TRIM71: variants seen among roughly 807,000 people sequenced by gnomAD.
TRIM71 encodes tripartite motif containing 71.
TRIM71 carries 9 observed loss-of-function variants against 61.2 expected under a neutral mutation model. The ratio of observed to expected loss-of-function variants is 0.15; its 90% CI spans 0.09 to 0.26. The LOEUF is 0.26. TRIM71 is among the 10% of genes least tolerant of loss of function. The probability of loss-of-function intolerance (pLI) is 1.00; values close to 1 mark genes in which losing one functional copy is unlikely to be tolerated. For missense variants in TRIM71, 998 were observed against 1,238.7 expected (o/e 0.81, Z 2.92); for synonymous variants, 645 against 553.2 (o/e 1.17, Z -2.33).
In TRIM71 at chr3:32,828,372, A is replaced by G. The variant is rs973488411; in HGVS notation, c.852+9440A>G. On this transcript the variant is annotated intron_variant, in intron 1 of 3. Transcript: ENST00000383763. ...GGCTTTGCTTGAGCACTCTGATTCTAGGTTAGATTCTGCTTTGCCTCAGTT... is the reference window on the plus strand; with the variant it reads ...GGCTTTGCTTGAGCACTCTGATTCTGGGTTAGATTCTGCTTTGCCTCAGTT... 5.3e-5 allele frequency among the ~76,000 whole-genome samples: 8 copies of G among 152,242 alleles called. No homozygotes were observed. In the South Asian group the frequency reaches 1.0e-3, roughly 20 times the overall value.
chr3:32,866,842 T>C (rs1264643467), intron 1 of TRIM71, among the ~76,000 whole-genome samples: 2 of 152,052 alleles, frequency 1.3e-5, no homozygotes, highest in Admixed American at 1.3e-4. Context: ...AGAGGAGTAA[T>C]GGCAACTTTT....
intron 1 of TRIM71, among the ~76,000 whole-genome samples, chr3:32,836,106 C>T (rs1011432029): frequency 1.3e-5 from 2 of 152,106 alleles, no homozygotes; most frequent in Middle Eastern, 3.2e-3. Flanking sequence ...GGAGATCTTC[C>T]CCTCCCCCGA....
intron 1 of TRIM71, among the ~76,000 whole-genome samples, chr3:32,838,228 A>G (rs774677574): frequency 1.4e-4 from 21 of 151,956 alleles, no homozygotes; most frequent in Non-Finnish European, 2.4e-4. Context: ...TATTATTATT[A>G]TTATATTTTT....
At chr3:32,880,038 T>G (rs962732332) in intron 2 of TRIM71, among the ~76,000 whole-genome samples, 4 of 152,062 alleles carry the variant, frequency 2.6e-5, no homozygotes, top group African/African-American at 9.7e-5. Context: ...GGCTATAGTT[T>G]GTGATTATAT....
chr3:32,831,833 C>T (rs1322277695), intron 1 of TRIM71, among the ~76,000 whole-genome samples: 5 of 152,076 alleles, frequency 3.3e-5, no homozygotes, highest in South Asian at 2.1e-4. Flanking sequence ...CCATTGCACC[C>T]GGCTGTTATC....
At chr3:32,889,149 G>A (rs991092078) in intron 3 of TRIM71, among the ~76,000 whole-genome samples, 12 of 152,160 alleles carry the variant, frequency 7.9e-5, no homozygotes, top group Non-Finnish European at 1.3e-4. Context: ...ACAACTCTGT[G>A]TGAGCAAGGA....
At chr3:32,823,759 A>G (rs1324169470) in intron 1 of TRIM71, among the ~76,000 whole-genome samples, 1 of 146,198 alleles carries the variant, frequency 6.8e-6, no homozygotes, top group African/African-American at 2.6e-5. Context: ...ACGGAGCGAG[A>G]CTATCTAAAA....
chr3:32,839,506 A>G (rs80112272), intron 1 of TRIM71, among the ~76,000 whole-genome samples: 4,184 of 152,146 alleles, frequency 0.027, 126 homozygotes, highest in East Asian at 0.14. Context: ...CTGGGATTAC[A>G]GCGTGAGCCA....
chr3:32,849,483 C>T (rs2125681540), intron 1 of TRIM71, among the ~76,000 whole-genome samples: 1 of 152,258 alleles, frequency 6.6e-6, no homozygotes, highest in Non-Finnish European at 1.5e-5. Context: ...CTCAGCTTCC[C>T]CAGTAGCTGG....
rs962432602 is a variant in TRIM71, at chr3:32,892,021, T to C, written c.*210T>C. On this transcript the variant is annotated 3_prime_UTR_variant, in exon 4 of 4. Transcript: ENST00000383763. ...ATTTTTTTACAGATGAATGTACTTA[T>C]CTTTTCTGCAGGGATTGAGCCTGTG... The C allele has an allele frequency of 6.2e-6, 4 of 649,448 alleles. No homozygotes were observed. The highest frequency in any genetic ancestry group is 6.7e-5 in the East Asian group (2 of 30,048). The allele number at this position is 649,448 out of a possible 1,614,324, so 40.2% of individuals were successfully genotyped here. A position where few individuals can be genotyped will look rare whatever the true frequency, so the allele number is the denominator to read the frequency against.
At chr3:32,845,557 T>C (rs1012079570) in intron 1 of TRIM71, among the ~76,000 whole-genome samples, 1 of 152,172 alleles carries the variant, frequency 6.6e-6, no homozygotes, top group South Asian at 2.1e-4. Context: ...ACAAACCCTT[T>C]CTTTAACTCA....
intron 1 of TRIM71, among the ~76,000 whole-genome samples, chr3:32,837,541 C>A (rs193232894): frequency 1.3e-5 from 2 of 152,142 alleles, no homozygotes; most frequent in Non-Finnish European, 2.9e-5. Context: ...CTAACGTCGC[C>A]GGGCGTGGTG....
At chr3:32,820,751 C>T (rs112576219) in intron 1 of TRIM71, among the ~76,000 whole-genome samples, 3 of 152,294 alleles carry the variant, frequency 2.0e-5, no homozygotes, top group African/African-American at 7.2e-5. Context: ...TTAGAAAACC[C>T]TTCAAACTGC....
chr3:32,869,889 G>A (rs563872390), intron 1 of TRIM71, among the ~76,000 whole-genome samples: 3 of 152,336 alleles, frequency 2.0e-5, no homozygotes, highest in Admixed American at 2.0e-4. Context: ...CCGAGGGGGC[G>A]TGTCTGTGCA....
In TRIM71 at chr3:32,890,812, T is replaced by C. The variant is rs1299647310; in HGVS notation, c.1608T>C (p.Phe536=). 10 of 1,614,166 alleles carry C rather than the reference T, an allele frequency of 6.2e-6. No homozygotes were observed. Among genetic ancestry groups the C allele is most frequent in the Non-Finnish European group, 8.5e-6 (10 of 1,180,034 alleles). Residue 536 remains phenylalanine, a synonymous_variant, in exon 4 of 4, where the codon TTT becomes TTC. Coordinates refer to ENST00000383763, the MANE Select transcript of TRIM71 (RefSeq NM_001039111.3). This position sits in a 1 kb window ranked among gnomAD's most constrained non-coding sequence, Gnocchi z 6.2. ...AVVLGPDGNL[F]GAEVSDQQNG... ...TCCTGGGCCCTGATGGCAACCTGTT[T>C]GGTGCAGAGGTGAGTGATCAGCAGA...
intron 1 of TRIM71, among the ~76,000 whole-genome samples, chr3:32,846,014 C>T (rs1341467195): frequency 2.0e-5 from 3 of 150,266 alleles, no homozygotes; most frequent in Non-Finnish European, 2.9e-5. Flanking sequence ...GACTATGGCT[C>T]ACTAGCTTGT....
intron 1 of TRIM71, among the ~76,000 whole-genome samples, chr3:32,833,622 C>T (rs930619983): frequency 2.7e-5 from 4 of 149,296 alleles, no homozygotes; most frequent in African/African-American, 9.9e-5. Context: ...TGCAGGAGTA[C>T]TGAGAATGCT....
At chr3:32,827,558 G>A (rs1045525913) in intron 1 of TRIM71, among the ~76,000 whole-genome samples, 1 of 152,228 alleles carries the variant, frequency 6.6e-6, no homozygotes, top group East Asian at 1.9e-4. Flanking sequence ...ACCGCGCCTT[G>A]CAAGGGGGGA....
Position 32,891,186 on chromosome 3 carries a change from G to C in TRIM71, c.1982G>C (p.Cys661Ser). ...TTCGACCGACCAGCCGGCGTGGCCT[G>C]TGACGCCTCACGCAGGATCGTGGTG... ...GQFDRPAGVA[C>S]DASRRIVVAD... The change falls in exon 4 of 4, where the codon TGT becomes TCT. Residue 661 changes from cysteine (C) to serine (S), a missense_variant. Transcript: ENST00000383763. The surrounding 1 kb of genome is among the most constrained non-coding windows in gnomAD (Gnocchi z 8.2). 6.2e-7 allele frequency: 1 copy of C among 1,613,706 alleles called. No homozygotes were observed. Among genetic ancestry groups the C allele is most frequent in the Non-Finnish European group, 8.5e-7 (1 of 1,179,976 alleles).
Sources: allele counts gnomAD v4.1 joint callset (sites outside exome capture counted in the v4.1 genomes callset), GRCh38; gene constraint gnomAD v4.1.1; non-coding constraint Gnocchi (gnomAD v3.1); transcripts MANE v1.5; gene names NCBI Gene and HGNC (gene_info 2026-07-23, HGNC 2026-07-21).